MGAT5: variants seen among roughly 807,000 people sequenced by gnomAD.
The protein encoded by MGAT5 is alpha-1,6-mannosylglycoprotein 6-beta-N-acetylglucosaminyltransferase.
In MGAT5, 30 loss-of-function variants were observed where a neutral mutation model predicts 94.3. That is an observed-to-expected ratio of 0.32 (90% CI 0.24 to 0.43). MGAT5 has a LOEUF of 0.43. Among genes scored for constraint, MGAT5 ranks in the 20% least tolerant of loss-of-function variants. The pLI is 1.00. For missense variants in MGAT5, 691 were observed against 905.5 expected (o/e 0.76, Z 3.04); for synonymous variants, 310 against 322.9 (o/e 0.96, Z 0.43).
chr2:134,303,328 C>T (rs1272281248), intron 2 of MGAT5, among the ~76,000 whole-genome samples: 2 of 152,094 alleles, frequency 1.3e-5, no homozygotes, highest in East Asian at 3.9e-4. Context: ...TGTTTCTCCA[C>T]ATGTTTAATA....
chr2:134,259,743 G>A (rs1683202195), intron 1 of MGAT5, among the ~76,000 whole-genome samples: 1 of 152,138 alleles, frequency 6.6e-6, no homozygotes, highest in Non-Finnish European at 1.5e-5. Context: ...TTTCAAGCCT[G>A]GTCCTTCAGG....
At position 134,239,189 on chromosome 2, in the gene MGAT5, A is replaced by G. The variant is rs535858833; in HGVS notation, c.-142-15073A>G. Among the ~76,000 whole-genome samples the G allele has an allele frequency of 9.2e-5, 14 of 152,082 alleles. No individual in the cohort carries two copies. The South Asian group carries it at 2.9e-3, about 32-fold the overall frequency. The stretch of plus-strand genomic sequence containing the variant: ...AATTTTTTGTATTTTTCGTAGAGGC[A>G]GGGGTTCACCGTGTTAGCCAGGATG... On this transcript the variant is annotated intron_variant, in intron 1 of 16. Transcript: ENST00000409645.
chr2:134,444,178 C>G (rs1454234104), intron 15 of MGAT5, among the ~76,000 whole-genome samples: 2 of 152,212 alleles, frequency 1.3e-5, no homozygotes, highest in East Asian at 3.9e-4. Context: ...AGTAGAACAC[C>G]CCTTTCTTCC....
At chr2:134,387,332 A>ATATATATATATATATATT in intron 10 of MGAT5, among the ~76,000 whole-genome samples, 26 of 24,244 alleles carry the variant, frequency 1.1e-3, no homozygotes, top group East Asian at 5.4e-3. Context: ...ATATATATAT[A>ATATATATATATATATATT]TTTTTTTTTT....
At chr2:134,223,463 T>C (rs1010156342) in intron 1 of MGAT5, among the ~76,000 whole-genome samples, 3 of 152,180 alleles carry the variant, frequency 2.0e-5, no homozygotes, top group African/African-American at 7.2e-5. Flanking sequence ...CATTTATATT[T>C]TGACAGTTAT....
At chr2:134,307,098 G>C (rs540666336) in intron 2 of MGAT5, among the ~76,000 whole-genome samples, 206 of 152,166 alleles carry the variant, frequency 1.4e-3, no homozygotes, top group African/African-American at 4.9e-3. Context: ...AGAGGCCGAT[G>C]GGATGACGGC....
chr2:134,331,904 T>A (rs1040133988), intron 4 of MGAT5, among the ~76,000 whole-genome samples: 1 of 151,720 alleles, frequency 6.6e-6, no homozygotes, highest in African/African-American at 2.4e-5. Context: ...CACTGCTCAA[T>A]GAAATAAGAG....
At chr2:134,207,722 A>G (rs1039892182) in intron 1 of MGAT5, among the ~76,000 whole-genome samples, 1 of 152,122 alleles carries the variant, frequency 6.6e-6, no homozygotes, top group Admixed American at 6.6e-5. Flanking sequence ...CAGAGGTGTT[A>G]TTGAGATCAG....
In MGAT5 at chr2:134,397,366, G is replaced by A. The variant is rs764500567; in HGVS notation, c.1381-5622G>A. Among the ~76,000 whole-genome samples, 9 of 152,142 alleles carry A rather than the reference G, an allele frequency of 5.9e-5. 1 individual carries two copies. The highest frequency in any genetic ancestry group is 4.1e-4 in the South Asian group (2 of 4,828). ...AAAAGGGAAGTGCAGGGTAACAGAC[G>A]GTGTGTCTGACCATGCTGGCTCCTG... On this transcript the variant is annotated intron_variant, in intron 10 of 15. Transcript: ENST00000281923.
chr2:134,448,554 C>A, intron 15 of MGAT5, 95 bp from the exon 16 acceptor site: 1 of 1,121,778 alleles, frequency 8.9e-7, no homozygotes, highest in Non-Finnish European at 1.4e-6. Flanking sequence ...ACTGAACATC[C>A]CCCCATGCCT....
At chr2:134,139,645 A>G (rs1482241511) in intron 1 of MGAT5, among the ~76,000 whole-genome samples, 2 of 152,218 alleles carry the variant, frequency 1.3e-5, no homozygotes, top group Non-Finnish European at 2.9e-5. Flanking sequence ...CTCGCACAGT[A>G]TCGCAGGAAT....
At chr2:134,330,551 T>C (rs1365920624) in intron 4 of MGAT5, among the ~76,000 whole-genome samples, 1 of 80,768 alleles carries the variant, frequency 1.2e-5, no homozygotes, top group Non-Finnish European at 2.2e-5. Context: ...AATTAAATTG[T>C]GTAGTGTGTG....
intron 14 of MGAT5, among the ~76,000 whole-genome samples, chr2:134,433,015 A>G (rs1173500362): frequency 2.0e-5 from 3 of 152,162 alleles, no homozygotes; most frequent in African/African-American, 7.2e-5. Flanking sequence ...GTGTTACACA[A>G]CTACCACCAC....
At chr2:134,349,146 G>A (rs77763604) in intron 8 of MGAT5, among the ~76,000 whole-genome samples, 2,731 of 152,198 alleles carry the variant, frequency 0.018, 86 homozygotes, top group African/African-American at 0.062. Context: ...CTCACAGACC[G>A]TACAAAAATA....
chr2:134,178,741 CG>C (rs1688595423), intron 1 of MGAT5, among the ~76,000 whole-genome samples: 1 of 152,112 alleles, frequency 6.6e-6, no homozygotes, highest in African/African-American at 2.4e-5. Context: ...TCCCTTCCCC[CG>C]TGCCACATTC....
intron 11 of MGAT5, among the ~76,000 whole-genome samples, chr2:134,408,417 T>C (rs1483824603): frequency 6.6e-6 from 1 of 152,246 alleles, no homozygotes; most frequent in African/African-American, 2.4e-5. Flanking sequence ...TTTATCCTGA[T>C]GCTGTTGTTT....
At chr2:134,274,578 A>G (rs1243824645) in intron 2 of MGAT5, among the ~76,000 whole-genome samples, 1 of 152,006 alleles carries the variant, frequency 6.6e-6, no homozygotes, top group African/African-American at 2.4e-5. Context: ...TAGTGTATGT[A>G]TGTGCATGTG....
intron 2 of MGAT5, among the ~76,000 whole-genome samples, chr2:134,272,257 C>T (rs564277147): frequency 1.7e-4 from 26 of 152,288 alleles, no homozygotes; most frequent in Non-Finnish European, 2.8e-4. Context: ...GCTAGTGTAC[C>T]GCTTAACAAG....
intron 1 of MGAT5, among the ~76,000 whole-genome samples, chr2:134,143,224 G>T (rs1686743043): frequency 6.6e-6 from 1 of 152,136 alleles, no homozygotes. Context: ...TTTATTTGGT[G>T]GGGGGATGGT....
Sources: allele counts gnomAD v4.1 joint callset (sites outside exome capture counted in the v4.1 genomes callset), GRCh38; gene constraint gnomAD v4.1.1; transcripts MANE v1.5; gene names NCBI Gene and HGNC (gene_info 2026-07-23, HGNC 2026-07-21).